Variants in PTPRA observed in about 807,000 individuals in gnomAD.
PTPRA encodes receptor-type tyrosine-protein phosphatase alpha.
Under a neutral mutation model 104.8 loss-of-function variants are expected in PTPRA, and 25 were observed. That is an observed-to-expected ratio of 0.24 (90% CI 0.17 to 0.33). The LOEUF (loss-of-function observed/expected upper bound fraction) is 0.33, where lower values mean the gene tolerates loss of function less well. Ranked by LOEUF, PTPRA falls within the 10% of genes least tolerant of loss-of-function variation. The probability of loss-of-function intolerance (pLI) is 1.00; values close to 1 mark genes in which losing one functional copy is unlikely to be tolerated. For synonymous variants in PTPRA, 323 were observed against 368.9 expected, an observed-to-expected ratio of 0.88 and a Z score of 1.43; for missense variants, 765 against 1,015.3, an observed-to-expected ratio of 0.75 and a Z score of 3.35.
At chr20:2,866,299 G>A in the PTPRA span, 12 of 1,613,980 alleles carry the variant, frequency 7.4e-6, no homozygotes, top group Middle Eastern at 1.6e-4. Context: ...GAAGGTCAAG[G>A]CTTTGCTTCT....
At chr20:3,031,198 C>T (rs1169209016) in intron 20 of PTPRA, among the ~76,000 whole-genome samples, 1 of 152,124 alleles carries the variant, frequency 6.6e-6, no homozygotes, top group Non-Finnish European at 1.5e-5. Flanking sequence ...GTGTCCCCAT[C>T]ACCATGTCCG....
At position 2,950,495 on chromosome 20, in the gene PTPRA, T is replaced by C. The variant is rs80033345; in HGVS notation, c.-7+2471T>C. Among the ~76,000 whole-genome samples the C allele has an allele frequency of 6.6e-6, 1 of 151,558 alleles. No individual in the cohort carries two copies. The highest frequency in any genetic ancestry group is 1.5e-5 in the Non-Finnish European group (1 of 67,876). On this transcript the variant is annotated intron_variant, in intron 3 of 23. Transcript: ENST00000399903. The surrounding 1 kb of genome is among the most constrained non-coding windows in gnomAD (Gnocchi z 4.0). ...CTACTAAAAATACAAAAAAAAAAAT[T>C]AGCCGGGCGTGGTGGCAGGCACCTG...
At chr20:2,891,852 A>G (rs2058804563) in intron 1 of PTPRA, among the ~76,000 whole-genome samples, 1 of 152,190 alleles carries the variant, frequency 6.6e-6, no homozygotes. Context: ...TATAGGCCCT[A>G]AATAATCTCC....
At chr20:2,951,491 C>G (rs1286980553) in intron 3 of PTPRA, among the ~76,000 whole-genome samples, 1 of 152,172 alleles carries the variant, frequency 6.6e-6, no homozygotes, top group African/African-American at 2.4e-5. Context: ...TTATGTCGCT[C>G]TCATAGGACT....
chr20:2,993,311 T>C (rs2063265952), intron 9 of PTPRA, among the ~76,000 whole-genome samples: 1 of 152,190 alleles, frequency 6.6e-6, no homozygotes, highest in South Asian at 2.1e-4. Flanking sequence ...CCTTTGACTT[T>C]CAGAAAATTT....
At chr20:2,925,180 A>G (rs2060249248) in intron 2 of PTPRA, among the ~76,000 whole-genome samples, 1 of 152,130 alleles carries the variant, frequency 6.6e-6, no homozygotes, top group Admixed American at 6.6e-5. Flanking sequence ...TCCATTAAAC[A>G]CTAACTCCCC....
rs1407772428 is a variant in PTPRA, at chr20:3,022,158, G to C, written c.1266G>C (p.Lys422Asn). 1 of 1,614,228 alleles carries C rather than the reference G, an allele frequency of 6.2e-7. No individual in the cohort carries two copies. The highest frequency in any genetic ancestry group is 1.1e-5 in the South Asian group (1 of 91,092). The change falls in exon 15 of 24, where the codon AAG becomes AAC. Residue 422 changes from lysine (K) to asparagine (N), a missense_variant. Coordinates refer to ENST00000399903, the MANE Select transcript of PTPRA (RefSeq NM_001385305.1). The surrounding 1 kb of genome is among the most constrained non-coding windows in gnomAD (Gnocchi z 4.6). ...CTTTTACCCCGATCGGCATGCTCAA[G>C]TTCCTCAAGAAGGTGAAGGCCTGTA... Reference protein sequence around the residue: ...GVPFTPIGMLKFLKKVKACNP... With the variant: ...GVPFTPIGMLNFLKKVKACNP...
intron 6 of PTPRA, among the ~76,000 whole-genome samples, chr20:2,980,532 G>A (rs144556528): frequency 3.3e-5 from 5 of 151,836 alleles, no homozygotes; most frequent in Admixed American, 6.6e-5. Context: ...CCTGGGTGAC[G>A]GAGTGAGACT....
chr20:3,037,165 G>A lies in PTPRA; in HGVS notation c.2210G>A (p.Gly737Glu). The change falls in exon 23 of 24, where the codon GGA becomes GAA. Residue 737 changes from glycine (G) to glutamate (E), a missense_variant. Gly to Glu is a moderately conservative substitution (Grantham distance 98). This residue lies in a region of PTPRA where 72 missense variants were observed against 140.7 expected (regional missense o/e 0.51). Coordinates refer to ENST00000399903, the MANE Select transcript of PTPRA (RefSeq NM_001385305.1). This position sits in a 1 kb window ranked among gnomAD's most constrained non-coding sequence, Gnocchi z 4.3. ...CTGCTCTGTTGCAGCGCCGGGGCAGGAAGGACGGGGACCTTCTGTGCCCTG... is the reference window on the plus strand; with the variant it reads ...CTGCTCTGTTGCAGCGCCGGGGCAGAAAGGACGGGGACCTTCTGTGCCCTG... ...PITVHCSAGAGRTGTFCALST... is the reference protein window; with the variant it reads ...PITVHCSAGAERTGTFCALST... 6.2e-7 allele frequency: 1 copy of A among 1,614,126 alleles called. No homozygotes were observed.
chr20:2,935,809 G>T (rs1415087495), intron 2 of PTPRA, among the ~76,000 whole-genome samples: 1 of 152,190 alleles, frequency 6.6e-6, no homozygotes, highest in Non-Finnish European at 1.5e-5. Context: ...GAAGTCAGGA[G>T]TTTGACACTA....
In PTPRA at chr20:3,022,535, C is replaced by T. The variant is rs2064929365; in HGVS notation, c.1329-154C>T. ...GCTGGAGGTCAGGATTCAGGACATA[C>T]TGGAGTTGTTGGCTCCTGGAGAGCC... On this transcript the variant is annotated intron_variant, in intron 15 of 23. Transcript: ENST00000399903. The surrounding 1 kb of genome is among the most constrained non-coding windows in gnomAD (Gnocchi z 4.6). Among the ~76,000 whole-genome samples the T allele has an allele frequency of 6.6e-6, 1 of 152,186 alleles. No homozygotes were observed. Among genetic ancestry groups the T allele is most frequent in the Admixed American group, 6.5e-5 (1 of 15,280 alleles).
At chr20:3,015,680 C>A (rs2064405618) in intron 11 of PTPRA, among the ~76,000 whole-genome samples, 169 bp from the exon 12 acceptor site, 1 of 152,190 alleles carries the variant, frequency 6.6e-6, no homozygotes, top group Non-Finnish European at 1.5e-5. Context: ...TTTGTAATCT[C>A]TAATTCCTAG....
At chr20:2,984,426 T>C (rs1934076640) in intron 6 of PTPRA, among the ~76,000 whole-genome samples, 1 of 152,202 alleles carries the variant, frequency 6.6e-6, no homozygotes, top group Non-Finnish European at 1.5e-5. Context: ...AAATCTGGTT[T>C]CACTTCTCTG....
chr20:2,970,897 C>T (rs1354415909), intron 5 of PTPRA, among the ~76,000 whole-genome samples: 1 of 152,102 alleles, frequency 6.6e-6, no homozygotes, highest in Non-Finnish European at 1.5e-5. Flanking sequence ...CCCCAAATAT[C>T]TAACTTGTCC....
chr20:2,891,680 A>T (rs1055089563), intron 1 of PTPRA, among the ~76,000 whole-genome samples: 1 of 152,134 alleles, frequency 6.6e-6, no homozygotes, highest in African/African-American at 2.4e-5. Flanking sequence ...TCTCAGAAGG[A>T]TCCTGATAGT....
the PTPRA span, among the ~76,000 whole-genome samples, chr20:2,867,023 G>A: frequency 4.6e-3 from 697 of 152,354 alleles, 1 homozygote; most frequent in Non-Finnish European, 7.0e-3. Context: ...CAAGAACCAC[G>A]CTAAACACTT....
At chr20:2,880,006 G>A (rs2089960231) in intron 1 of PTPRA, among the ~76,000 whole-genome samples, 1 of 152,174 alleles carries the variant, frequency 6.6e-6, no homozygotes, top group Non-Finnish European at 1.5e-5. Flanking sequence ...GTGTAGCCAG[G>A]CTTGAGAACT....
Position 3,022,128 on chromosome 20 carries a change from G to T in PTPRA, c.1236G>T (p.Gly412=), listed in dbSNP as rs750790486. The change falls in exon 15 of 24, where the codon GGG becomes GGT. Residue 412 remains glycine (G), a synonymous_variant. Transcript: ENST00000399903. The surrounding 1 kb of genome is among the most constrained non-coding windows in gnomAD (Gnocchi z 4.6). The stretch of plus-strand genomic sequence containing the variant: ...ACTTTACCAGCTGGCCAGACTTTGG[G>T]GTGCCTTTTACCCCGATCGGCATGC... ...QFHFTSWPDF[G]VPFTPIGMLK... is the part of the protein sequence containing the mutation. 6.2e-7 allele frequency: 1 copy of T among 1,614,194 alleles called. No individual in the cohort carries two copies. Among genetic ancestry groups the T allele is most frequent in the East Asian group, 2.2e-5 (1 of 44,886 alleles).
In PTPRA at chr20:3,038,411, A is replaced by G. The variant is rs1218060691; in HGVS notation, c.*278A>G. ...TGGGCTGGATTGTGCTTTGGTTAATACATCTTTCCCTAAAGAAGATAAACA... is the reference window on the plus strand; with the variant it reads ...TGGGCTGGATTGTGCTTTGGTTAATGCATCTTTCCCTAAAGAAGATAAACA... On this transcript the variant is annotated 3_prime_UTR_variant, in exon 24 of 24. Transcript: ENST00000399903. 1 of 347,750 alleles carries G rather than the reference A, an allele frequency of 2.9e-6. No individual in the cohort carries two copies. The highest frequency in any genetic ancestry group is 2.2e-5 in the African/African-American group (1 of 46,104). 21.5% of individuals were successfully genotyped at this position (347,750 alleles called of 1,614,324 possible). A position where few individuals can be genotyped will look rare whatever the true frequency, so the allele number is the denominator to read the frequency against.
Sources: allele counts gnomAD v4.1 joint callset (sites outside exome capture counted in the v4.1 genomes callset), GRCh38; gene constraint gnomAD v4.1.1; regional missense constraint gnomAD v4.1.1; non-coding constraint Gnocchi (gnomAD v3.1); transcripts MANE v1.5; gene names NCBI Gene and HGNC (gene_info 2026-07-23, HGNC 2026-07-21).